PLXDC2: variants seen among roughly 807,000 people sequenced by gnomAD.
PLXDC2 encodes plexin domain-containing protein 2.
PLXDC2 carries 40 observed loss-of-function variants against 68.9 expected under a neutral mutation model. The observed-to-expected ratio is 0.58, with a 90% CI of 0.45 to 0.76. PLXDC2 has a LOEUF of 0.76. Among genes scored for constraint, PLXDC2 ranks in the 30% least tolerant of loss-of-function variants. The probability of loss-of-function intolerance (pLI) is 0.00; values close to 1 mark genes in which losing one functional copy is unlikely to be tolerated. For synonymous variants in PLXDC2, 243 were observed against 234.2 expected, an observed-to-expected ratio of 1.04 and a Z score of -0.34; for missense variants, 644 against 661.9, an observed-to-expected ratio of 0.97 and a Z score of 0.30.
intron 1 of PLXDC2, among the ~76,000 whole-genome samples, chr10:19,920,211 A>G (rs1228074010): frequency 6.6e-6 from 1 of 152,104 alleles, no homozygotes; most frequent in Admixed American, 6.5e-5. Flanking sequence ...CCTTTAAATG[A>G]TACATAACGG....
intron 4 of PLXDC2, among the ~76,000 whole-genome samples, chr10:20,123,824 G>T (rs966417615): frequency 1.3e-5 from 2 of 151,930 alleles, no homozygotes; most frequent in Non-Finnish European, 2.9e-5. Context: ...AAGGGATCAG[G>T]GTGCAGAGAT....
At chr10:19,916,718 A>G (rs1833373690) in intron 1 of PLXDC2, among the ~76,000 whole-genome samples, 1 of 152,156 alleles carries the variant, frequency 6.6e-6, no homozygotes, top group Admixed American at 6.5e-5. Context: ...AGTGAACTCA[A>G]ACTTTTCCCC....
intron 3 of PLXDC2, among the ~76,000 whole-genome samples, chr10:20,053,617 A>G (rs1835942678): frequency 6.6e-6 from 1 of 152,052 alleles, no homozygotes; most frequent in Non-Finnish European, 1.5e-5. Flanking sequence ...ATGTTATTTA[A>G]TTTATTTCTG....
At chr10:19,943,226 T>C (rs1833846104) in intron 1 of PLXDC2, among the ~76,000 whole-genome samples, 1 of 149,762 alleles carries the variant, frequency 6.7e-6, no homozygotes, top group Non-Finnish European at 1.5e-5. Context: ...CTTTTGCTGT[T>C]TGCTGATTTG....
chr10:19,827,375 T>G (rs1230521901), intron 1 of PLXDC2, among the ~76,000 whole-genome samples: 1 of 152,164 alleles, frequency 6.6e-6, no homozygotes, highest in Non-Finnish European at 1.5e-5. Context: ...CCAGAGCCAT[T>G]TTAGAATAAA....
intron 1 of PLXDC2, among the ~76,000 whole-genome samples, chr10:19,945,521 G>A (rs1833887918): frequency 6.6e-6 from 1 of 152,174 alleles, no homozygotes; most frequent in African/African-American, 2.4e-5. Flanking sequence ...CAGTTCTCTT[G>A]GCCTTGGTTT....
intron 1 of PLXDC2, among the ~76,000 whole-genome samples, chr10:19,999,004 G>A (rs561481472): frequency 6.6e-6 from 1 of 152,292 alleles, no homozygotes; most frequent in African/African-American, 2.4e-5. Context: ...CAACTTAAGT[G>A]GGAAATAGAG....
chr10:20,103,830 A>G (rs1833454789), intron 4 of PLXDC2, among the ~76,000 whole-genome samples: 1 of 152,046 alleles, frequency 6.6e-6, no homozygotes, highest in East Asian at 1.9e-4. Flanking sequence ...TTTAGTAGAG[A>G]CAGGGTTTTG....
At chr10:20,268,370 T>A (rs1162377226) in intron 13 of PLXDC2, among the ~76,000 whole-genome samples, 1 of 152,202 alleles carries the variant, frequency 6.6e-6, no homozygotes, top group South Asian at 2.1e-4. Context: ...TTTTAAAGTT[T>A]CTTTAAAACT....
intron 9 of PLXDC2, among the ~76,000 whole-genome samples, chr10:20,211,288 T>C (rs1279984545): frequency 6.8e-6 from 1 of 146,244 alleles, no homozygotes; most frequent in Non-Finnish European, 1.6e-5. Context: ...TGAAATACAA[T>C]ATTTGCAAAA....
rs532408350 is a variant in PLXDC2, at chr10:20,028,737, C to T, written c.325-18132C>T. Among the ~76,000 whole-genome samples the T allele has an allele frequency of 2.6e-5, 4 of 152,194 alleles. No homozygotes were observed. The East Asian group carries it at 7.7e-4, about 29-fold the overall frequency. On this transcript the variant is annotated intron_variant, in intron 2 of 13. Transcript: ENST00000377252. The stretch of plus-strand genomic sequence containing the variant: ...CTTTCTCTTTTGCTCTTGTTGGTAA[C>T]CCAGTATGAGCTATTATGAGTTTTA...
intron 4 of PLXDC2, among the ~76,000 whole-genome samples, chr10:20,082,576 TG>T (rs1446736751): frequency 1.3e-5 from 2 of 152,218 alleles, no homozygotes; most frequent in African/African-American, 4.8e-5. Context: ...AAACAAGTTT[TG>T]TAGCTCGATA....
Position 20,059,495 on chromosome 10 carries a change from T to C in PLXDC2, c.472-8675T>C, listed in dbSNP as rs376438600. The stretch of plus-strand genomic sequence containing the variant: ...CATTTTGTTTTCCAGTTTATGAATA[T>C]TCCCTTGAAGAGCACCATTCAATAG... On this transcript the variant is annotated intron_variant, in intron 3 of 13. Coordinates refer to ENST00000377252, the MANE Select transcript of PLXDC2 (RefSeq NM_032812.9). Among the ~76,000 whole-genome samples the C allele has an allele frequency of 3.3e-5, 5 of 152,316 alleles. No individual in the cohort carries two copies. In the East Asian group the frequency reaches 5.8e-4, roughly 18 times the overall value.
intron 1 of PLXDC2, among the ~76,000 whole-genome samples, chr10:19,963,874 G>A (rs541477929): frequency 2.0e-5 from 3 of 151,994 alleles, no homozygotes; most frequent in Non-Finnish European, 4.4e-5. Flanking sequence ...GTTTCTTTAG[G>A]CTTTAGGTCC....
chr10:20,232,448 A>G (rs1835377545), intron 12 of PLXDC2, among the ~76,000 whole-genome samples: 4 of 152,178 alleles, frequency 2.6e-5, no homozygotes, highest in Non-Finnish European at 5.9e-5. Flanking sequence ...TAGCAACATA[A>G]TTCATAATTG....
At chr10:20,007,182 C>T (rs1835040181) in intron 2 of PLXDC2, among the ~76,000 whole-genome samples, 1 of 152,178 alleles carries the variant, frequency 6.6e-6, no homozygotes, top group South Asian at 2.1e-4. Flanking sequence ...ATGAGCAGGG[C>T]AAGCATCTTC....
At chr10:20,120,235 A>G (rs1238822066) in intron 4 of PLXDC2, among the ~76,000 whole-genome samples, 2 of 152,206 alleles carry the variant, frequency 1.3e-5, no homozygotes, top group Admixed American at 1.3e-4. Flanking sequence ...CCTAATAAAA[A>G]GAGTGTCTAT....
chr10:19,854,616 G>T (rs1266239475), intron 1 of PLXDC2, among the ~76,000 whole-genome samples: 2 of 152,098 alleles, frequency 1.3e-5, no homozygotes, highest in African/African-American at 4.8e-5. Context: ...ACATTATAAG[G>T]TTAATTTAAT....
intron 9 of PLXDC2, among the ~76,000 whole-genome samples, chr10:20,194,211 T>C (rs1834807726): frequency 1.3e-5 from 2 of 151,484 alleles, no homozygotes; most frequent in African/African-American, 4.8e-5. Context: ...TGTGTGTGTG[T>C]GTGTGTGTGT....
Sources: allele counts gnomAD v4.1 joint callset (sites outside exome capture counted in the v4.1 genomes callset), GRCh38; gene constraint gnomAD v4.1.1; transcripts MANE v1.5; gene names NCBI Gene and HGNC (gene_info 2026-07-23, HGNC 2026-07-21).